The following BIRC3 variants were observed in gnomAD, a reference collection of about 807,000 sequenced individuals.
BIRC3 encodes the protein baculoviral IAP repeat-containing protein 3.
In BIRC3, 26 loss-of-function variants were observed where a neutral mutation model predicts 59.0. That is an observed-to-expected ratio of 0.44 (90% CI 0.32 to 0.61). The LOEUF is 0.61. BIRC3 is among the 20% of genes least tolerant of loss of function. The pLI is 0.04. For synonymous variants in BIRC3, 243 were observed against 249.2 expected (o/e 0.98, Z 0.24); for missense variants, 641 against 711.5 (o/e 0.90, Z 1.13).
chr11:102,331,258 A>G lies in BIRC3; in HGVS notation c.1324+17A>G. 1 of 1,590,492 alleles carries G rather than the reference A, an allele frequency of 6.3e-7. No individual in the cohort carries two copies. Among genetic ancestry groups the G allele is most frequent in the Non-Finnish European group, 8.5e-7 (1 of 1,170,810 alleles). ...AAGAATCAAGTATGTAGATTTATTAATACAGTCTATTTTCATAAGGATTTG... is the reference window on the plus strand; with the variant it reads ...AAGAATCAAGTATGTAGATTTATTAGTACAGTCTATTTTCATAAGGATTTG... On this transcript the variant is annotated intron_variant, in intron 6 of 8. Transcript: ENST00000263464.
chr11:102,330,316 A>ATAAATAGATAC (rs1951126480), intron 5 of BIRC3, among the ~76,000 whole-genome samples: 1 of 152,198 alleles, frequency 6.6e-6, no homozygotes, highest in Non-Finnish European at 1.5e-5. Context: ...TAAATCAGGG[A>ATAAATAGATAC]AGCAGGCCAG....
chr11:102,326,386 T>C (rs925742282), intron 3 of BIRC3, among the ~76,000 whole-genome samples: 2 of 152,212 alleles, frequency 1.3e-5, no homozygotes, highest in Non-Finnish European at 2.9e-5. Flanking sequence ...TGTGTTACCC[T>C]TTTGATTGTT....
intron 6 of BIRC3, among the ~76,000 whole-genome samples, chr11:102,335,440 C>A (rs921092560): frequency 6.6e-6 from 1 of 152,106 alleles, no homozygotes; most frequent in Admixed American, 6.5e-5. Flanking sequence ...TACATGACAC[C>A]AGACTACCTC....
rs1555043006 is a variant in BIRC3 at position 102,328,882 on chromosome 11, T to TA, written c.1033-15_1033-14insA. 7.6e-5 allele frequency: 78 copies of TA among 1,028,744 alleles called. No individual in the cohort carries two copies. The East Asian group carries it at 8.4e-4, about 11-fold the overall frequency. The allele number at this position is 1,028,744 out of a possible 1,614,324, so 63.7% of individuals were successfully genotyped here. On this transcript the variant is annotated splice_polypyrimidine_tract_variant and intron_variant, in intron 4 of 8. Coordinates refer to ENST00000263464, the MANE Select transcript of BIRC3 (RefSeq NM_001165.5). ...TTTATATATATATATATATATATAT[T>TA]TTTTTTTTCTGCAGCTGCTATCCAC...
chr11:102,336,212 A>C lies in BIRC3; in HGVS notation c.1571A>C (p.His524Pro). The change falls in exon 7 of 9, where the codon CAT becomes CCT. Residue 524 changes from histidine (H) to proline (P), a missense_variant. Around this residue, in one of 4 missense-constraint regions of BIRC3, gnomAD observed 268 missense variants for 255.7 expected, o/e 1.05. Transcript: ENST00000263464. ...GAAGCTGAAGCTGTGTTATATGAGC[A>C]TTTATTTGGTGAGTGATAGAAAATT... is the stretch of plus-strand genomic sequence containing the variant. ...LQEAEAVLYE[H>P]LFVQQDIKYI... 1 of 1,586,616 alleles carries C rather than the reference A, an allele frequency of 6.3e-7. No homozygotes were observed. Among genetic ancestry groups the C allele is most frequent in the East Asian group, 2.2e-5 (1 of 44,454 alleles).
At chr11:102,333,494 G>T (rs1471606093) in intron 6 of BIRC3, among the ~76,000 whole-genome samples, 1 of 151,570 alleles carries the variant, frequency 6.6e-6, no homozygotes, top group South Asian at 2.1e-4. Context: ...TGAGCCCAGG[G>T]AGGTTGAGGC....
intron 3 of BIRC3, 66 bp downstream of exon 3, chr11:102,325,631 C>T: frequency 2.1e-6 from 3 of 1,433,388 alleles, no homozygotes; most frequent in East Asian, 2.3e-5. Flanking sequence ...TATGTGTTCA[C>T]CTGAAATCAG....
Position 102,325,331 on chromosome 11 carries a change from G to A in BIRC3, c.822G>A (p.Glu274=). The A allele has an allele frequency of 6.2e-7, 1 of 1,604,000 alleles. No individual in the cohort carries two copies. The highest frequency in any genetic ancestry group is 8.5e-7 in the Non-Finnish European group (1 of 1,175,590). The change falls in exon 2 of 9, where the codon GAG becomes GAA. Residue 274 remains glutamate (E), a synonymous_variant. Coordinates refer to ENST00000263464, the MANE Select transcript of BIRC3 (RefSeq NM_001165.5). ...NWPSSVLVNP[E]QLASAGFYYV... ...CCTCTAGTGTTCTAGTTAATCCTGA[G>A]CAGCTTGCAAGTGCGGGTTTTTATT...
intron 5 of BIRC3, 37 bp from the exon 6 acceptor site, chr11:102,330,962 C>G (rs1381333691): frequency 6.6e-7 from 1 of 1,522,290 alleles, no homozygotes; most frequent in African/African-American, 1.4e-5. Flanking sequence ...AAATATAAGG[C>G]TATCCTAATA....
Position 102,336,069 on chromosome 11 carries a change from A to G in BIRC3, c.1428A>G (p.Glu476=). Residue 476 remains glutamate, a synonymous_variant, in exon 7 of 9, where the codon GAA becomes GAG. Transcript: ENST00000263464. ...DSLLTAGIIN[E]QEHDVIKQKT... is the part of the protein sequence containing the mutation. The stretch of plus-strand genomic sequence containing the variant: ...TACTAACTGCCGGAATTATTAATGA[A>G]CAAGAACATGATGTTATTAAACAGA... 1 of 1,613,920 alleles carries G rather than the reference A, an allele frequency of 6.2e-7. No individual in the cohort carries two copies.
In BIRC3 at chr11:102,321,988, A is replaced by C. The variant is rs1396414354; in HGVS notation, c.-2522A>C. The C allele has an allele frequency of 5.2e-6, 1 of 192,810 alleles. No individual in the cohort carries two copies. The highest frequency in any genetic ancestry group is 1.1e-5 in the Non-Finnish European group (1 of 92,216). The allele number at this position is 192,810 out of a possible 1,614,324, so 11.9% of individuals were successfully genotyped here. On this transcript the variant is annotated 5_prime_UTR_variant, in exon 2 of 9. It removes the in-frame stop codon of an upstream open reading frame in the 5' UTR. Coordinates refer to ENST00000263464, the MANE Select transcript of BIRC3 (RefSeq NM_001165.5). ...TGCATGGGTAAACAAATTAAGTATT[A>C]ACTGGTGTTTTACTATCCAAAGAAT... is the stretch of plus-strand genomic sequence containing the variant.
Position 102,325,513 on chromosome 11 carries a change from T to G in BIRC3, c.901T>G (p.Cys301Gly), listed in dbSNP as rs1219202535. The change falls in exon 3 of 9, where the codon TGT (cysteine) becomes GGT (glycine). Residue 301 changes from cysteine (C) to glycine (G), a missense_variant. Cys to Gly is a radical substitution (Grantham distance 159). Around this residue, in one of 4 missense-constraint regions of BIRC3, gnomAD observed 329 missense variants for 365.6 expected, o/e 0.90. Transcript: ENST00000263464. ...KCFCCDGGLR[C>G]WESGDDPWVQ... ...CTTTTGCTGTGATGGTGGACTCAGG[T>G]GTTGGGAATCTGGAGATGATCCATG... 1 of 1,613,102 alleles carries G rather than the reference T, an allele frequency of 6.2e-7. No individual in the cohort carries two copies. Among genetic ancestry groups the G allele is most frequent in the East Asian group, 2.2e-5 (1 of 44,870 alleles).
chr11:102,326,992 A>G, intron 3 of BIRC3: 1 of 338,964 alleles, frequency 3.0e-6, no homozygotes, highest in South Asian at 2.2e-5. Flanking sequence ...TAAGAATCTT[A>G]GAAGAGTTGA....
chr11:102,336,455 T>G (rs1173131624), intron 7 of BIRC3: 18 of 563,010 alleles, frequency 3.2e-5, no homozygotes, highest in Non-Finnish European at 4.9e-5. Flanking sequence ...AAATTATTTG[T>G]GATGGTGTAT....
In BIRC3 at chr11:102,338,874, G is replaced by A. The variant is rs1222523150; in HGVS notation, c.*1772G>A. On this transcript the variant is annotated 3_prime_UTR_variant, in exon 9 of 9. Transcript: ENST00000263464. ...TGTGGCTTGCCTTCAGGGAGAATGA[G>A]GCTGAGACAGGAGGGCAGGATAACA... The A allele has an allele frequency of 4.5e-6, 1 of 222,438 alleles. No homozygotes were observed. The allele number at this position is 222,438 out of a possible 1,614,324, so 13.8% of individuals were successfully genotyped here. A position where few individuals can be genotyped will look rare whatever the true frequency, so the allele number is the denominator to read the frequency against.
At chr11:102,336,478 C>T in intron 7 of BIRC3, 1 of 556,062 alleles carries the variant, frequency 1.8e-6, no homozygotes, top group Non-Finnish European at 3.1e-6. Context: ...CTGGTAATCC[C>T]AGCTACTCAA....
rs1344970318 is a variant in BIRC3 at position 102,331,252 on chromosome 11, T to A, written c.1324+11T>A. 6.3e-7 allele frequency: 1 copy of A among 1,596,550 alleles called. No individual in the cohort carries two copies. ...AGGAAAAAGAATCAAGTATGTAGAT[T>A]TATTAATACAGTCTATTTTCATAAG... On this transcript the variant is annotated intron_variant, in intron 6 of 8. Coordinates refer to ENST00000263464, the MANE Select transcript of BIRC3 (RefSeq NM_001165.5).
In BIRC3 at chr11:102,323,978, CT is replaced by C. The variant is rs1306005065; in HGVS notation, c.-524del. The C allele has an allele frequency of 6.8e-5, 14 of 205,236 alleles. No individual in the cohort carries two copies. Among genetic ancestry groups the C allele is most frequent in the South Asian group, 1.9e-4 (1 of 5,276 alleles). The allele number at this position is 205,236 out of a possible 1,614,324, so 12.7% of individuals were successfully genotyped here. On this transcript the variant is annotated 5_prime_UTR_variant, in exon 2 of 9. Transcript: ENST00000263464. ...TTCCTCCTTTGAGTTAGGTCTTGTG[CT>C]TTTTTTTCCTGGCCACTAAATTTCA... is the stretch of plus-strand genomic sequence containing the variant.
At chr11:102,335,938 G>A (rs1223476911) in intron 6 of BIRC3, 28 bp from the exon 7 acceptor site, 1 of 1,590,304 alleles carries the variant, frequency 6.3e-7, no homozygotes. Context: ...GTTTGAACAT[G>A]TTTATGCTTG....
Sources: gnomAD v4.1 joint callset for allele counts (sites outside exome capture counted in the v4.1 genomes callset) on GRCh38, gnomAD v4.1.1 for gene constraint, gnomAD v4.1.1 regional missense constraint, MANE v1.5 for transcripts, NCBI Gene and HGNC (gene_info 2026-07-23, HGNC 2026-07-21) for gene names.